GDF6: variants seen among roughly 807,000 people sequenced by gnomAD.
The protein encoded by GDF6 is growth/differentiation factor 6.
GDF6 carries 3 observed loss-of-function variants against 32.4 expected under a neutral mutation model. The observed-to-expected ratio is 0.09, with a 90% CI of 0.04 to 0.24. The LOEUF is 0.24. GDF6 is among the 10% of genes least tolerant of loss of function. GDF6 has a pLI of 1.00. For synonymous variants in GDF6, 296 were observed against 295.3 expected (o/e 1.00, Z -0.03); for missense variants, 589 against 637.9 (o/e 0.92, Z 0.83).
At chr8:96,155,175 C>A (rs534438522) in intron 1 of GDF6, among the ~76,000 whole-genome samples, 7 of 152,244 alleles carry the variant, frequency 4.6e-5, no homozygotes, top group African/African-American at 1.7e-4. Flanking sequence ...CCCAGAGGCC[C>A]GAGAGCCTCC....
chr8:96,158,346 G>A (rs1812705621), intron 1 of GDF6, among the ~76,000 whole-genome samples: 1 of 152,204 alleles, frequency 6.6e-6, no homozygotes, highest in African/African-American at 2.4e-5. Flanking sequence ...GGGCAAACCA[G>A]GGTAAAGTGA....
chr8:96,156,385 T>A (rs932976166), intron 1 of GDF6, among the ~76,000 whole-genome samples: 1 of 53,856 alleles, frequency 1.9e-5, no homozygotes, highest in Non-Finnish European at 5.9e-5. Flanking sequence ...TCCCTCTCTC[T>A]CTCTCTCTCT....
intron 1 of GDF6, among the ~76,000 whole-genome samples, chr8:96,150,243 C>T (rs974073367): frequency 2.0e-5 from 3 of 152,148 alleles, no homozygotes; most frequent in South Asian, 2.1e-4. Flanking sequence ...TCTCTGAGTA[C>T]GCAGTGACCC....
Position 96,160,360 on chromosome 8 carries a change from C to T in GDF6, c.333G>A (p.Leu111=), listed in dbSNP as rs750416057. The T allele has an allele frequency of 6.2e-7, 1 of 1,614,214 alleles. No individual in the cohort carries two copies. Among genetic ancestry groups the T allele is most frequent in the Non-Finnish European group, 8.5e-7 (1 of 1,180,036 alleles). Residue 111 remains leucine (L), a synonymous_variant, in exon 1 of 2, where the codon CTG becomes CTA. Transcript: ENST00000287020. ...ACTGGAAAAAGCTGGCATTGATGCC[C>T]AGCTTCTCAGCGATGGAGTAAGTCC... ...IYRTYSIAEK[L]GINASFFQSS...
chr8:96,150,854 T>C (rs1812557173), intron 1 of GDF6, among the ~76,000 whole-genome samples: 1 of 152,252 alleles, frequency 6.6e-6, no homozygotes, highest in Non-Finnish European at 1.5e-5. Context: ...TTTTTTCTTT[T>C]CTTTACTACA....
Position 96,144,495 on chromosome 8 carries a change from C to A in GDF6, c.*68G>T. 1 of 1,573,840 alleles carries A rather than the reference C, an allele frequency of 6.4e-7. No individual in the cohort carries two copies. Among genetic ancestry groups the A allele is most frequent in the South Asian group, 1.2e-5 (1 of 86,228 alleles). ...GCTTCCTCCTCCGCCTCTCTGCAGC[C>A]AGGCCTCCCCTGCAAGGCGGACCTT... On this transcript the variant is annotated 3_prime_UTR_variant, in exon 2 of 2. Coordinates refer to ENST00000287020, the MANE Select transcript of GDF6 (RefSeq NM_001001557.4). The surrounding 1 kb of genome is among the most constrained non-coding windows in gnomAD (Gnocchi z 5.1).
Position 96,145,672 on chromosome 8 carries a change from G to T in GDF6, c.407-148C>A. The T allele has an allele frequency of 1.1e-6, 1 of 913,292 alleles. No homozygotes were observed. The highest frequency in any genetic ancestry group is 1.7e-6 in the Non-Finnish European group (1 of 597,150). The allele number at this position is 913,292 out of a possible 1,614,324, so 56.6% of individuals were successfully genotyped here. On this transcript the variant is annotated intron_variant, in intron 1 of 1. Transcript: ENST00000287020. This position sits in a 1 kb window ranked among gnomAD's most constrained non-coding sequence, Gnocchi z 5.6. Reference sequence around the variant, plus strand: ...GCCCGGCCCAGGGCCTGACCACCCCGGCTCCCCATCTGGCTGGTGCATGGC... The same window carrying T: ...GCCCGGCCCAGGGCCTGACCACCCCTGCTCCCCATCTGGCTGGTGCATGGC...
intron 1 of GDF6, among the ~76,000 whole-genome samples, chr8:96,147,338 A>C (rs1358329627): frequency 2.0e-5 from 3 of 152,362 alleles, no homozygotes; most frequent in Admixed American, 2.0e-4. Flanking sequence ...GGGTCACATT[A>C]AAATCAGGCG....
intron 1 of GDF6, among the ~76,000 whole-genome samples, chr8:96,153,208 G>T (rs901888445): frequency 1.3e-5 from 2 of 152,226 alleles, no homozygotes; most frequent in African/African-American, 2.4e-5. Context: ...GTCTCTAGAG[G>T]ATGAAACAGA....
In GDF6 at chr8:96,145,213, G is replaced by C; in HGVS notation, c.718C>G (p.Leu240Val). 2 of 1,510,200 alleles carry C rather than the reference G, an allele frequency of 1.3e-6. No individual in the cohort carries two copies. The highest frequency in any genetic ancestry group is 1.8e-6 in the Non-Finnish European group (2 of 1,136,784). 93.5% of individuals were successfully genotyped at this position (1,510,200 alleles called of 1,614,324 possible). A position where few individuals can be genotyped will look rare whatever the true frequency, so the allele number is the denominator to read the frequency against. Residue 240 changes from leucine (L) to valine (V), a missense_variant, in exon 2 of 2, where the codon CTG (leucine) becomes GTG (valine). Transcript: ENST00000287020. This position sits in a 1 kb window ranked among gnomAD's most constrained non-coding sequence, Gnocchi z 5.6. ...CGCGCCTCGGCCTCCCCGGCGTCCA[G>C]CTCGCCCCATGCGGCCCGCAGCTCC... ...CLELRAAWGE[L>V]DAGEAEARAR...
In GDF6 at chr8:96,145,203, C is replaced by A. The variant is rs772188117; in HGVS notation, c.728G>T (p.Gly243Val). The A allele has an allele frequency of 5.0e-5, 75 of 1,502,374 alleles. No homozygotes were observed. The highest frequency in any genetic ancestry group is 6.2e-5 in the Non-Finnish European group (70 of 1,133,494). The allele number at this position is 1,502,374 out of a possible 1,614,324, so 93.1% of individuals were successfully genotyped here. A position where few individuals can be genotyped will look rare whatever the true frequency, so the allele number is the denominator to read the frequency against. ...LRAAWGELDA[G>V]EAEARARGPQ... is the part of the protein sequence containing the mutation. The stretch of plus-strand genomic sequence containing the variant: ...TCCCCGCGCGCGCGCCTCGGCCTCC[C>A]CGGCGTCCAGCTCGCCCCATGCGGC... Residue 243 changes from glycine to valine, a missense_variant, in exon 2 of 2, where the codon GGG becomes GTG. Physicochemically the swap from Gly to Val is moderately radical, Grantham distance 109 (BLOSUM62 -3). Transcript: ENST00000287020. The surrounding 1 kb of genome is among the most constrained non-coding windows in gnomAD (Gnocchi z 5.6).
In GDF6 at chr8:96,158,563, G is replaced by A. The variant is rs190890085; in HGVS notation, c.406+1724C>T. ...TCATTCCCGGGCAAAGAAAATCCGCGCCCAACCGCCGGCCAGCCTAGGCCT... is the reference window on the plus strand; with the variant it reads ...TCATTCCCGGGCAAAGAAAATCCGCACCCAACCGCCGGCCAGCCTAGGCCT... On this transcript the variant is annotated intron_variant, in intron 1 of 1. Coordinates refer to ENST00000287020, the MANE Select transcript of GDF6 (RefSeq NM_001001557.4). Among the ~76,000 whole-genome samples, 251 of 152,282 alleles carry A rather than the reference G, an allele frequency of 1.6e-3. 1 individual carries two copies. Among genetic ancestry groups the A allele is most frequent in the Admixed American group, 3.6e-3 (55 of 15,306 alleles).
chr8:96,159,108 C>A (rs1039044140), intron 1 of GDF6, among the ~76,000 whole-genome samples: 2 of 152,228 alleles, frequency 1.3e-5, no homozygotes, highest in Non-Finnish European at 2.9e-5. Flanking sequence ...GGTTTCCGGG[C>A]AACCCCACTT....
Position 96,144,668 on chromosome 8 carries a change from C to T in GDF6, c.1263G>A (p.Val421=). 1 of 1,614,126 alleles carries T rather than the reference C, an allele frequency of 6.2e-7. No homozygotes were observed. The highest frequency in any genetic ancestry group is 8.5e-7 in the Non-Finnish European group (1 of 1,180,012). Residue 421 remains valine (V), a synonymous_variant, in exon 2 of 2, where the codon GTG becomes GTA. Transcript: ENST00000287020. This position sits in a 1 kb window ranked among gnomAD's most constrained non-coding sequence, Gnocchi z 5.1. Reference sequence around the variant, plus strand: ...TGCTGATGGGAGTCAATTTGGTGGGCACGCAGCAGCTGGGCGGGGTGGAGC... The same window carrying T: ...TGCTGATGGGAGTCAATTTGGTGGGTACGCAGCAGCTGGGCGGGGTGGAGC... ...DPGSTPPSCC[V]PTKLTPISIL...
Position 96,144,285 on chromosome 8 carries a change from AGAGAG to A in GDF6, c.*273_*277del, listed in dbSNP as rs1563507983. ...GAGAGAGAGAGAGAGAGAGAGAGAG[AGAGAG>A]AAAACAGAACAAAAGAAATCCTCCT... On this transcript the variant is annotated 3_prime_UTR_variant, in exon 2 of 2. Coordinates refer to ENST00000287020, the MANE Select transcript of GDF6 (RefSeq NM_001001557.4). This position sits in a 1 kb window ranked among gnomAD's most constrained non-coding sequence, Gnocchi z 5.1. 5.0e-5 allele frequency: 25 copies of A among 495,246 alleles called. No individual in the cohort carries two copies. The highest frequency in any genetic ancestry group is 8.3e-5 in the South Asian group (4 of 47,980). 30.7% of individuals were successfully genotyped at this position (495,246 alleles called of 1,614,324 possible).
At position 96,160,426 on chromosome 8, in the gene GDF6, A is replaced by T. The variant is rs769923080; in HGVS notation, c.267T>A (p.Gly89=). 2 of 1,613,916 alleles carry T rather than the reference A, an allele frequency of 1.2e-6. No homozygotes were observed. Among genetic ancestry groups the T allele is most frequent in the African/African-American group, 1.3e-5 (1 of 75,000 alleles). Reference sequence around the variant, plus strand: ...TGTACTCGTGGGGCACCACGCGCGGACCCCTGCCTGGCGGCTCCTGCGCCC... The same window carrying T: ...TGTACTCGTGGGGCACCACGCGCGGTCCCCTGCCTGGCGGCTCCTGCGCCC... The part of the protein sequence containing the change: ...QPRAQEPPGR[G]PRVVPHEYML... The change falls in exon 1 of 2, where the codon GGT becomes GGA. Residue 89 remains glycine (G), a synonymous_variant. Coordinates refer to ENST00000287020, the MANE Select transcript of GDF6 (RefSeq NM_001001557.4).
In GDF6 at chr8:96,149,672, G is replaced by A. The variant is rs368605785; in HGVS notation, c.407-4148C>T. Among the ~76,000 whole-genome samples the A allele has an allele frequency of 1.9e-3, 285 of 151,000 alleles. 1 individual carries two copies. The highest frequency in any genetic ancestry group is 5.7e-3 in the African/African-American group (232 of 40,500). The stretch of plus-strand genomic sequence containing the variant: ...AAAAATAAAATTTTAACTAAAAAAA[G>A]AAACCAAGAGAAGGAATGGTACCTA... On this transcript the variant is annotated intron_variant, in intron 1 of 1. Transcript: ENST00000287020.
chr8:96,159,328 T>C (rs1373790502), intron 1 of GDF6, among the ~76,000 whole-genome samples: 5 of 152,278 alleles, frequency 3.3e-5, no homozygotes, highest in African/African-American at 1.2e-4. Flanking sequence ...TTCCCTGATT[T>C]CTGGGACCAG....
intron 1 of GDF6, among the ~76,000 whole-genome samples, chr8:96,151,039 T>C (rs1812560156): frequency 6.6e-6 from 1 of 152,204 alleles, no homozygotes; most frequent in Non-Finnish European, 1.5e-5. Flanking sequence ...TGTGAAGGGC[T>C]TTAAGGGGAA....
Sources: gnomAD v4.1 joint callset for allele counts (sites outside exome capture counted in the v4.1 genomes callset) on GRCh38, gnomAD v4.1.1 for gene constraint, Gnocchi (gnomAD v3.1) non-coding constraint, MANE v1.5 for transcripts, NCBI Gene and HGNC (gene_info 2026-07-23, HGNC 2026-07-21) for gene names.